BAIAP2L1: variants seen among roughly 807,000 people sequenced by gnomAD.
The protein encoded by BAIAP2L1 is BAR/IMD domain-containing adapter protein 2-like 1.
BAIAP2L1 carries 35 observed loss-of-function variants against 66.3 expected under a neutral mutation model. The observed-to-expected ratio is 0.53, with a 90% CI of 0.40 to 0.70. The LOEUF is 0.70. BAIAP2L1 is among the 30% of genes least tolerant of loss of function. BAIAP2L1 has a pLI of 0.00. For missense variants in BAIAP2L1, 622 were observed against 656.9 expected (o/e 0.95, Z 0.58); for synonymous variants, 269 against 248.7 (o/e 1.08, Z -0.77).
At chr7:98,320,467 C>T (rs1292535996) in intron 3 of BAIAP2L1, among the ~76,000 whole-genome samples, 169 bp from the exon 4 acceptor site, 1 of 152,184 alleles carries the variant, frequency 6.6e-6, no homozygotes, top group Non-Finnish European at 1.5e-5. Context: ...TCCCAAATAG[C>T]TGGATTACAG....
intron 1 of BAIAP2L1, among the ~76,000 whole-genome samples, chr7:98,373,950 T>G (rs1316312661): frequency 1.3e-5 from 2 of 152,138 alleles, no homozygotes; most frequent in African/African-American, 2.4e-5. Context: ...CTTTATTCAG[T>G]TGAGAACATT....
intron 3 of BAIAP2L1, among the ~76,000 whole-genome samples, chr7:98,347,910 G>A (rs959189149): frequency 1.3e-5 from 2 of 152,080 alleles, no homozygotes; most frequent in Non-Finnish European, 2.9e-5. Flanking sequence ...AACACCGCAT[G>A]TTCTCACTCC....
rs1456006483 is a variant in BAIAP2L1, at chr7:98,320,269, G to C, written c.244C>G (p.His82Asp). ...TCAAGACTCTCGTTGAGTTTCTTGT[G>C]GGTACTTGAAATCTCTATGAGGACA... ...GHVLIEISST[H>D]KKLNESLDEN... Residue 82 changes from histidine to aspartate, a missense_variant, in exon 4 of 14, where the codon CAC becomes GAC. Transcript: ENST00000005260. The C allele has an allele frequency of 6.2e-7, 1 of 1,609,538 alleles. No homozygotes were observed. The highest frequency in any genetic ancestry group is 1.7e-5 in the Admixed American group (1 of 59,536).
chr7:98,302,900 A>G (rs1027070706), intron 12 of BAIAP2L1, among the ~76,000 whole-genome samples: 7 of 152,088 alleles, frequency 4.6e-5, no homozygotes, highest in African/African-American at 1.7e-4. Flanking sequence ...TCCTCCCACC[A>G]CAGCCTCCTG....
chr7:98,354,350 TTAAA>T (rs1802071799), intron 3 of BAIAP2L1, among the ~76,000 whole-genome samples: 1 of 152,136 alleles, frequency 6.6e-6, no homozygotes, highest in Non-Finnish European at 1.5e-5. Context: ...GCACTTTTCT[TTAAA>T]TACGCACACA....
chr7:98,307,398 A>G (rs944015045), intron 10 of BAIAP2L1: 11 of 1,234,280 alleles, frequency 8.9e-6, no homozygotes, highest in Middle Eastern at 3.5e-4. Flanking sequence ...GAGCCACTGC[A>G]CTGGCCAAAT....
intron 1 of BAIAP2L1, among the ~76,000 whole-genome samples, chr7:98,390,140 C>A (rs1286303948): frequency 6.6e-6 from 1 of 151,814 alleles, no homozygotes; most frequent in Admixed American, 6.6e-5. Flanking sequence ...TGGTCTCTAT[C>A]TCCTGACCTC....
intron 5 of BAIAP2L1, 109 bp downstream of exon 5, chr7:98,319,949 G>A: frequency 1.1e-6 from 1 of 875,670 alleles, no homozygotes; most frequent in Non-Finnish European, 1.8e-6. Flanking sequence ...CATCAACACG[G>A]AGCTTCTCTC....
chr7:98,298,974 C>G (rs542983972), intron 12 of BAIAP2L1, among the ~76,000 whole-genome samples: 1 of 152,152 alleles, frequency 6.6e-6, no homozygotes, highest in Admixed American at 6.5e-5. Flanking sequence ...CCTGAGTAGA[C>G]TACAGGTATA....
rs1802069761 is a variant in BAIAP2L1, at chr7:98,354,223, A to C, written c.214+819T>G. On this transcript the variant is annotated intron_variant, in intron 3 of 13. Coordinates refer to ENST00000005260, the MANE Select transcript of BAIAP2L1 (RefSeq NM_018842.5). ...TGGGTCAGTTAAGAGCTTCCCAAAC[A>C]ATCCTAAAAACCCTCAGGCCAACCC... Among the ~76,000 whole-genome samples the C allele has an allele frequency of 2.0e-5, 3 of 151,678 alleles. No homozygotes were observed. In the South Asian group the frequency reaches 6.3e-4, roughly 32 times the overall value.
chr7:98,299,855 A>G (rs1301759574), intron 12 of BAIAP2L1, among the ~76,000 whole-genome samples: 3 of 152,084 alleles, frequency 2.0e-5, no homozygotes, highest in African/African-American at 7.2e-5. Flanking sequence ...AGCCTGGCCA[A>G]CATGGTGAAA....
chr7:98,368,771 T>C (rs1354390899), intron 1 of BAIAP2L1, among the ~76,000 whole-genome samples: 1 of 152,180 alleles, frequency 6.6e-6, no homozygotes, highest in African/African-American at 2.4e-5. Context: ...CCTTAAGATG[T>C]ATCCAAGTTG....
At chr7:98,332,675 G>C (rs148684567) in intron 3 of BAIAP2L1, among the ~76,000 whole-genome samples, 1 of 151,502 alleles carries the variant, frequency 6.6e-6, no homozygotes, top group East Asian at 2.0e-4. Context: ...TGGGCCTAGT[G>C]GTGGGCACCT....
chr7:98,367,596 C>T (rs1211456590), intron 1 of BAIAP2L1, among the ~76,000 whole-genome samples: 5 of 138,202 alleles, frequency 3.6e-5, no homozygotes, highest in East Asian at 2.2e-4. Context: ...AGTGCAGTGA[C>T]GCAATCTCGG....
chr7:98,305,265 T>C (rs1469376617), intron 11 of BAIAP2L1, among the ~76,000 whole-genome samples: 5 of 150,966 alleles, frequency 3.3e-5, no homozygotes, highest in Admixed American at 2.6e-4. Context: ...ATTGATTTAA[T>C]CTAAGGAAAG....
At chr7:98,363,520 A>T (rs772287897) in intron 1 of BAIAP2L1, among the ~76,000 whole-genome samples, 2 of 152,190 alleles carry the variant, frequency 1.3e-5, no homozygotes, top group African/African-American at 2.4e-5. Flanking sequence ...GAAAGTCATA[A>T]AGACAAATGC....
chr7:98,317,807 T>C (rs143340503), intron 5 of BAIAP2L1, among the ~76,000 whole-genome samples: 1,974 of 150,244 alleles, frequency 0.013, 20 homozygotes, highest in Middle Eastern at 0.021. Context: ...TTTCACACCA[T>C]CTTTACGCTG....
chr7:98,294,241 C>A, intron 12 of BAIAP2L1, 130 bp from the exon 13 acceptor site: 1 of 887,416 alleles, frequency 1.1e-6, no homozygotes, highest in South Asian at 1.6e-5. Context: ...GATCCTTCCA[C>A]CTTGGCCTCC....
intron 12 of BAIAP2L1, 46 bp downstream of exon 12, chr7:98,304,150 G>A: frequency 2.7e-6 from 4 of 1,500,128 alleles, no homozygotes; most frequent in Middle Eastern, 2.0e-4. Flanking sequence ...CCCAGTCGGG[G>A]ATGGCGAGTC....
Sources: gnomAD v4.1 joint callset for allele counts (sites outside exome capture counted in the v4.1 genomes callset) on GRCh38, gnomAD v4.1.1 for gene constraint, MANE v1.5 for transcripts, NCBI Gene and HGNC (gene_info 2026-07-23, HGNC 2026-07-21) for gene names.